Variants in EFNA3 observed in about 807,000 individuals in gnomAD.
EFNA3 encodes ephrin A3, also known as ephrin-A3.
A neutral mutation model predicts 25.0 loss-of-function variants in EFNA3; 15 were observed. That is an observed-to-expected ratio of 0.60 (90% CI 0.40 to 0.92). The LOEUF is 0.92. Ranked by LOEUF, EFNA3 falls within the 40% of genes least tolerant of loss-of-function variation. The pLI is 0.00. For missense variants in EFNA3, 298 were observed against 323.8 expected (o/e 0.92, Z 0.61); for synonymous variants, 153 against 145.6 (o/e 1.05, Z -0.37).
chr1:155,086,819 A>C lies in EFNA3; in HGVS notation c.*276A>C. 2.5e-6 allele frequency: 1 copy of C among 401,640 alleles called. No individual in the cohort carries two copies. The highest frequency in any genetic ancestry group is 4.1e-5 in the Admixed American group (1 of 24,480). The allele number at this position is 401,640 out of a possible 1,614,324, so 24.9% of individuals were successfully genotyped here. A position where few individuals can be genotyped will look rare whatever the true frequency, so the allele number is the denominator to read the frequency against. ...TTGGGGGCCAAAAAGGGCAGTGCTC[A>C]GGACTCCCTGGCCCCTGGTACCTTT... is the stretch of plus-strand genomic sequence containing the variant. On this transcript the variant is annotated 3_prime_UTR_variant, in exon 5 of 5. Coordinates refer to ENST00000368408, the MANE Select transcript of EFNA3 (RefSeq NM_004952.5).
Position 155,086,453 on chromosome 1 carries a change from G to A in EFNA3, c.627G>A (p.Glu209=), listed in dbSNP as rs756960183. Residue 209 remains glutamate (E), a synonymous_variant, in exon 5 of 5, where the codon GAG becomes GAA. Coordinates refer to ENST00000368408, the MANE Select transcript of EFNA3 (RefSeq NM_004952.5). The stretch of plus-strand genomic sequence containing the variant: ...AGAACCCTCAGGTGCCCAAGCTTGA[G>A]AAGAGCATCAGCGGGACCAGCCCCA... ...EGENPQVPKL[E]KSISGTSPKR... The A allele has an allele frequency of 1.2e-6, 2 of 1,614,128 alleles. No homozygotes were observed. Among genetic ancestry groups the A allele is most frequent in the Non-Finnish European group, 1.7e-6 (2 of 1,179,984 alleles).
chr1:155,085,689 A>G lies in EFNA3; in HGVS notation c.443-188A>G. 1 of 703,270 alleles carries G rather than the reference A, an allele frequency of 1.4e-6. No homozygotes were observed. The highest frequency in any genetic ancestry group is 2.3e-6 in the Non-Finnish European group (1 of 427,816). 43.6% of individuals were successfully genotyped at this position (703,270 alleles called of 1,614,324 possible). A position where few individuals can be genotyped will look rare whatever the true frequency, so the allele number is the denominator to read the frequency against. On this transcript the variant is annotated intron_variant, in intron 2 of 4. Coordinates refer to ENST00000368408, the MANE Select transcript of EFNA3 (RefSeq NM_004952.5). This position sits in a 1 kb window ranked among gnomAD's most constrained non-coding sequence, Gnocchi z 4.4. Reference sequence around the variant, plus strand: ...GAACATCAGGGATCCCAGTTTCTTGAGGGGTGGGACCAAAGGGGCGTCTAG... The same window carrying G: ...GAACATCAGGGATCCCAGTTTCTTGGGGGGTGGGACCAAAGGGGCGTCTAG...
In EFNA3 at chr1:155,085,666, A is replaced by C; in HGVS notation, c.443-211A>C. The stretch of plus-strand genomic sequence containing the variant: ...CTGTGAGGGACATTCCGGGGTTGGA[A>C]CATCAGGGATCCCAGTTTCTTGAGG... On this transcript the variant is annotated intron_variant, in intron 2 of 4. Transcript: ENST00000368408. This position sits in a 1 kb window ranked among gnomAD's most constrained non-coding sequence, Gnocchi z 4.4. The C allele has an allele frequency of 1.5e-6, 1 of 688,142 alleles. No homozygotes were observed. Among genetic ancestry groups the C allele is most frequent in the Non-Finnish European group, 2.4e-6 (1 of 416,220 alleles). The allele number at this position is 688,142 out of a possible 1,614,324, so 42.6% of individuals were successfully genotyped here.
chr1:155,083,926 C>T (rs949280323), intron 1 of EFNA3, among the ~76,000 whole-genome samples: 1 of 152,208 alleles, frequency 6.6e-6, no homozygotes, highest in African/African-American at 2.4e-5. Flanking sequence ...AAAACTCCTG[C>T]CCCCTCTCCG....
intron 3 of EFNA3, 60 bp downstream of exon 3, chr1:155,086,002 C>T: frequency 6.3e-7 from 1 of 1,577,304 alleles, no homozygotes. Flanking sequence ...TGGGGCTCCC[C>T]TGGCTTCCTG....
At position 155,079,116 on chromosome 1, in the gene EFNA3, G is replaced by GGGGA. The variant is rs767017202; in HGVS notation, c.128+49_128+52dup. 1.6e-5 allele frequency: 21 copies of GGGGA among 1,294,428 alleles called. No individual in the cohort carries two copies. The Middle Eastern group carries it at 1.1e-3, about 68-fold the overall frequency. The allele number at this position is 1,294,428 out of a possible 1,614,324, so 80.2% of individuals were successfully genotyped here. On this transcript the variant is annotated intron_variant, in intron 1 of 4. Coordinates refer to ENST00000368408, the MANE Select transcript of EFNA3 (RefSeq NM_004952.5). This position sits in a 1 kb window ranked among gnomAD's most constrained non-coding sequence, Gnocchi z 7.7. Reference sequence around the variant, plus strand: ...TCCGCGCGTCCCGTCTCAGTGAGAGGGGGAGCCGGTGGGCCCGAGAAGTCC... The same window carrying GGGGA: ...TCCGCGCGTCCCGTCTCAGTGAGAGGGGGAGGGAGCCGGTGGGCCCGAGAAGTCC...
rs1663335549 is a variant in EFNA3 at position 155,081,168 on chromosome 1, G to T, written c.128+2099G>T. Among the ~76,000 whole-genome samples, 1 of 152,224 alleles carries T rather than the reference G, an allele frequency of 6.6e-6. No homozygotes were observed. The highest frequency in any genetic ancestry group is 2.4e-5 in the African/African-American group (1 of 41,448). ...GCGTCGGCCTCCTTTGACAGACCTG[G>T]GGACTGTGCCTTGCACACCGGCCGC... On this transcript the variant is annotated intron_variant, in intron 1 of 4. Transcript: ENST00000368408. The surrounding 1 kb of genome is among the most constrained non-coding windows in gnomAD (Gnocchi z 5.2).
chr1:155,086,059 G>T, intron 3 of EFNA3, 69 bp from the exon 4 acceptor site: 1 of 1,572,088 alleles, frequency 6.4e-7, no homozygotes, highest in Non-Finnish European at 8.7e-7. Flanking sequence ...CTCCCCAGCC[G>T]TAGCAAGGGG....
At position 155,079,922 on chromosome 1, in the gene EFNA3, C is replaced by T. The variant is rs1463844497; in HGVS notation, c.128+853C>T. Among the ~76,000 whole-genome samples, 2 of 151,878 alleles carry T rather than the reference C, an allele frequency of 1.3e-5. No homozygotes were observed. Among genetic ancestry groups the T allele is most frequent in the Non-Finnish European group, 2.9e-5 (2 of 67,962 alleles). On this transcript the variant is annotated intron_variant, in intron 1 of 4. Transcript: ENST00000368408. This position sits in a 1 kb window ranked among gnomAD's most constrained non-coding sequence, Gnocchi z 7.7. ...GCGTCTGGGCTGGGGTGGCTGTTGG[C>T]GCCGCCGCGGTCTGGGCGGGTGTCA...
Position 155,085,592 on chromosome 1 carries a change from G to C in EFNA3, c.442+188G>C. On this transcript the variant is annotated intron_variant, in intron 2 of 4. Coordinates refer to ENST00000368408, the MANE Select transcript of EFNA3 (RefSeq NM_004952.5). This position sits in a 1 kb window ranked among gnomAD's most constrained non-coding sequence, Gnocchi z 4.4. Reference sequence around the variant, plus strand: ...CTCAGACGAGGTCGTGGGGCCAAGAGAGGAGTTTGGTGACAGTCCCAAGTT... The same window carrying C: ...CTCAGACGAGGTCGTGGGGCCAAGACAGGAGTTTGGTGACAGTCCCAAGTT... 1 of 774,578 alleles carries C rather than the reference G, an allele frequency of 1.3e-6. No individual in the cohort carries two copies. Among genetic ancestry groups the C allele is most frequent in the South Asian group, 1.9e-5 (1 of 53,288 alleles). The allele number at this position is 774,578 out of a possible 1,614,324, so 48.0% of individuals were successfully genotyped here.
rs1663298287 is a variant in EFNA3 at position 155,079,310 on chromosome 1, C to T, written c.128+241C>T. 6.6e-6 allele frequency among the ~76,000 whole-genome samples: 1 copy of T among 152,118 alleles called. No homozygotes were observed. Among genetic ancestry groups the T allele is most frequent in the Non-Finnish European group, 1.5e-5 (1 of 67,998 alleles). On this transcript the variant is annotated intron_variant, in intron 1 of 4. Transcript: ENST00000368408. This position sits in a 1 kb window ranked among gnomAD's most constrained non-coding sequence, Gnocchi z 7.7. ...TGTGGAGGAGGCTGCTGGAGGGGCC[C>T]CCCACCCCATCTTGGCTTCTCTCCG...
In EFNA3 at chr1:155,085,651, C is replaced by G; in HGVS notation, c.443-226C>G. 4.4e-6 allele frequency: 3 copies of G among 681,858 alleles called. No homozygotes were observed. Among genetic ancestry groups the G allele is most frequent in the Non-Finnish European group, 7.3e-6 (3 of 411,346 alleles). The allele number at this position is 681,858 out of a possible 1,614,324, so 42.2% of individuals were successfully genotyped here. On this transcript the variant is annotated intron_variant, in intron 2 of 4. Coordinates refer to ENST00000368408, the MANE Select transcript of EFNA3 (RefSeq NM_004952.5). This position sits in a 1 kb window ranked among gnomAD's most constrained non-coding sequence, Gnocchi z 4.4. Reference sequence around the variant, plus strand: ...GGAGAATCGCTGTTTCTGTGAGGGACATTCCGGGGTTGGAACATCAGGGAT... The same window carrying G: ...GGAGAATCGCTGTTTCTGTGAGGGAGATTCCGGGGTTGGAACATCAGGGAT...
rs1171707291 is a variant in EFNA3, at chr1:155,085,232, G to T, written c.270G>T (p.Met90Ile). ...GGGCAGAGCAGTACGTGCTGTACAT[G>T]GTGAGCCGCAACGGCTACCGCACCT... ...GGGAEQYVLYMVSRNGYRTCN... is the reference protein window; with the variant it reads ...GGGAEQYVLYIVSRNGYRTCN... The change falls in exon 2 of 5, where the codon ATG becomes ATT. Residue 90 changes from methionine to isoleucine, a missense_variant. Met to Ile is a conservative substitution (Grantham distance 10, BLOSUM62 1). Coordinates refer to ENST00000368408, the MANE Select transcript of EFNA3 (RefSeq NM_004952.5). This position sits in a 1 kb window ranked among gnomAD's most constrained non-coding sequence, Gnocchi z 4.4. 6.2e-7 allele frequency: 1 copy of T among 1,613,194 alleles called. No homozygotes were observed. Among genetic ancestry groups the T allele is most frequent in the South Asian group, 1.1e-5 (1 of 91,062 alleles).
rs919630997 is a variant in EFNA3, at chr1:155,080,397, C to G, written c.128+1328C>G. 2.0e-5 allele frequency among the ~76,000 whole-genome samples: 3 copies of G among 152,186 alleles called. No individual in the cohort carries two copies. Among genetic ancestry groups the G allele is most frequent in the Admixed American group, 6.5e-5 (1 of 15,288 alleles). ...GGTGGGGATGAGCCAACGACGCCCC[C>G]CTCTCGCTTCCCATGGAAACCTCGG... On this transcript the variant is annotated intron_variant, in intron 1 of 4. Coordinates refer to ENST00000368408, the MANE Select transcript of EFNA3 (RefSeq NM_004952.5). The surrounding 1 kb of genome is among the most constrained non-coding windows in gnomAD (Gnocchi z 7.0).
chr1:155,080,556 GTC>G lies in EFNA3; in HGVS notation c.128+1489_128+1490del, dbSNP rs906605392. ...CACGTCCGCCCCCCACCCCGCTAGA[GTC>G]TGGCGGGGAACGGAGAGCTCGCAGG... On this transcript the variant is annotated intron_variant, in intron 1 of 4. Coordinates refer to ENST00000368408, the MANE Select transcript of EFNA3 (RefSeq NM_004952.5). This position sits in a 1 kb window ranked among gnomAD's most constrained non-coding sequence, Gnocchi z 7.0. Among the ~76,000 whole-genome samples, 51 of 152,176 alleles carry G rather than the reference GTC, an allele frequency of 3.4e-4. No individual in the cohort carries two copies. The highest frequency in any genetic ancestry group is 1.2e-3 in the African/African-American group (48 of 41,544).
chr1:155,085,353 G>C lies in EFNA3; in HGVS notation c.391G>C (p.Ala131Pro). 1.2e-6 allele frequency: 2 copies of C among 1,612,418 alleles called. No homozygotes were observed. The highest frequency in any genetic ancestry group is 1.7e-6 in the Non-Finnish European group (2 of 1,179,186). Residue 131 changes from alanine to proline, a missense_variant, in exon 2 of 5, where the codon GCC (alanine) becomes CCC (proline). Coordinates refer to ENST00000368408, the MANE Select transcript of EFNA3 (RefSeq NM_004952.5). The surrounding 1 kb of genome is among the most constrained non-coding windows in gnomAD (Gnocchi z 4.4). The part of the protein sequence containing the change: ...KFSEKFQRYS[A>P]FSLGYEFHAG... ...CTCGGAGAAGTTCCAGCGCTACAGC[G>C]CCTTCTCTCTGGGCTACGAGTTCCA...
At chr1:155,082,784 T>C (rs1160592826) in intron 1 of EFNA3, among the ~76,000 whole-genome samples, 1 of 150,908 alleles carries the variant, frequency 6.6e-6, no homozygotes, top group Non-Finnish European at 1.5e-5. Context: ...GCTGCGGAGC[T>C]TCGCGTGGGC....
rs747876055 is a variant in EFNA3, at chr1:155,085,971, C to A, written c.508+29C>A. On this transcript the variant is annotated intron_variant, in intron 3 of 4. Coordinates refer to ENST00000368408, the MANE Select transcript of EFNA3 (RefSeq NM_004952.5). The surrounding 1 kb of genome is among the most constrained non-coding windows in gnomAD (Gnocchi z 4.4). ...AGTAGAATAGGCTCCGAGCCGCGCC[C>A]CCATCCTCAGCTCCCTGCTTTGGGG... is the stretch of plus-strand genomic sequence containing the variant. The A allele has an allele frequency of 2.5e-5, 40 of 1,594,480 alleles. No homozygotes were observed. Among genetic ancestry groups the A allele is most frequent in the Non-Finnish European group, 3.2e-5 (38 of 1,171,058 alleles).
In EFNA3 at chr1:155,079,203, G is replaced by C. The variant is rs1320908527; in HGVS notation, c.128+134G>C. The C allele has an allele frequency of 4.8e-6, 5 of 1,042,162 alleles. No individual in the cohort carries two copies. The South Asian group carries it at 1.3e-4, about 26-fold the overall frequency. 64.6% of individuals were successfully genotyped at this position (1,042,162 alleles called of 1,614,324 possible). ...GCTGGGGGCTGGGAGGGGACGGAGAGGGGGACGCACTCTGTGGGCGTCTAG... is the reference window on the plus strand; with the variant it reads ...GCTGGGGGCTGGGAGGGGACGGAGACGGGGACGCACTCTGTGGGCGTCTAG... On this transcript the variant is annotated intron_variant, in intron 1 of 4. Transcript: ENST00000368408. The surrounding 1 kb of genome is among the most constrained non-coding windows in gnomAD (Gnocchi z 7.7).
Sources: gnomAD v4.1 joint callset for allele counts (sites outside exome capture counted in the v4.1 genomes callset) on GRCh38, gnomAD v4.1.1 for gene constraint, Gnocchi (gnomAD v3.1) non-coding constraint, MANE v1.5 for transcripts, NCBI Gene and HGNC (gene_info 2026-07-23, HGNC 2026-07-21) for gene names.